KDM4C: variants seen among roughly 807,000 people sequenced by gnomAD.
KDM4C encodes lysine demethylase 4C.
A neutral mutation model predicts 129.3 loss-of-function variants in KDM4C; 81 were observed. That is an observed-to-expected ratio of 0.63 (90% CI 0.52 to 0.75). The LOEUF is 0.75. Ranked by LOEUF, KDM4C falls within the 30% of genes least tolerant of loss-of-function variation. The pLI, the probability that KDM4C is intolerant of heterozygous loss-of-function variation, is 0.00. For missense variants in KDM4C, 1,457 were observed against 1,304.0 expected (o/e 1.12, Z -1.81); for synonymous variants, 573 against 456.1 (o/e 1.26, Z -3.26).
chr9:6,789,933 A>C (rs142137907), intron 1 of KDM4C, among the ~76,000 whole-genome samples: 106 of 151,804 alleles, frequency 7.0e-4, no homozygotes, highest in Admixed American at 1.4e-3. Context: ...TTTAAATTTT[A>C]TGTATCTCCT....
intron 1 of KDM4C, among the ~76,000 whole-genome samples, chr9:6,731,439 G>A (rs1472911642): frequency 1.4e-5 from 2 of 147,204 alleles, no homozygotes; most frequent in Admixed American, 7.2e-5. Context: ...CAATTCTCCT[G>A]CCTCAGCCTC....
At chr9:7,124,152 C>G (rs7858509) in intron 18 of KDM4C, among the ~76,000 whole-genome samples, 57,277 of 152,028 alleles carry the variant, frequency 0.38, 11,221 homozygotes, top group Middle Eastern at 0.52. Flanking sequence ...TGTAACACCC[C>G]CAAGATCATC....
At chr9:7,004,085 G>A (rs1373648222) in intron 12 of KDM4C, among the ~76,000 whole-genome samples, 1 of 152,232 alleles carries the variant, frequency 6.6e-6, no homozygotes, top group African/African-American at 2.4e-5. Context: ...AGCAGAATGA[G>A]TGTGATGACT....
intron 5 of KDM4C, among the ~76,000 whole-genome samples, chr9:6,879,561 A>G (rs1844121990): frequency 6.6e-6 from 1 of 152,210 alleles, no homozygotes; most frequent in African/African-American, 2.4e-5. Context: ...GCTTGTCAAT[A>G]AAAATATTTT....
intron 19 of KDM4C, among the ~76,000 whole-genome samples, chr9:7,147,405 T>C (rs1324653662): frequency 6.6e-6 from 1 of 152,198 alleles, no homozygotes; most frequent in Non-Finnish European, 1.5e-5. Context: ...CTTTCATCTT[T>C]CTTTTTTTAG....
At chr9:7,002,806 A>C (rs1820971149) in intron 12 of KDM4C, among the ~76,000 whole-genome samples, 1 of 152,226 alleles carries the variant, frequency 6.6e-6, no homozygotes, top group African/African-American at 2.4e-5. Context: ...TCACAAAGCT[A>C]GTAAGTGGTA....
intron 15 of KDM4C, among the ~76,000 whole-genome samples, chr9:7,040,453 A>G (rs899952812): frequency 2.7e-5 from 4 of 149,624 alleles, no homozygotes; most frequent in African/African-American, 9.9e-5. Flanking sequence ...CTAAAAAATG[A>G]TTTTATATTT....
In KDM4C at chr9:6,990,363, T is replaced by C. The variant is rs1175812840; in HGVS notation, c.1678-53T>C. On this transcript the variant is annotated intron_variant, in intron 11 of 21. Transcript: ENST00000381309. ...TGTGAACTGTAGGGTTTTTTTTTTT[T>C]GTAGTTTGTTTTTGATAATGGTATT... The C allele has an allele frequency of 1.4e-5, 15 of 1,057,530 alleles. No homozygotes were observed. The Admixed American group carries it at 2.3e-4, about 16-fold the overall frequency. The allele number at this position is 1,057,530 out of a possible 1,614,324, so 65.5% of individuals were successfully genotyped here. A position where few individuals can be genotyped will look rare whatever the true frequency, so the allele number is the denominator to read the frequency against.
chr9:7,040,764 A>G (rs143132887), intron 15 of KDM4C, among the ~76,000 whole-genome samples: 240 of 151,994 alleles, frequency 1.6e-3, no homozygotes, highest in African/African-American at 5.4e-3. Flanking sequence ...TGTAACTCAT[A>G]TAATTGTTTA....
intron 1 of KDM4C, among the ~76,000 whole-genome samples, chr9:6,779,032 C>CTTTTTCTTTTTT (rs1823720819): frequency 1.1e-5 from 1 of 94,628 alleles, no homozygotes; most frequent in East Asian, 3.8e-4. Flanking sequence ...TGATTAAAGT[C>CTTTTTCTTTTTT]TTTTTTTTTT....
intron 1 of KDM4C, among the ~76,000 whole-genome samples, chr9:6,769,314 G>A (rs529927744): frequency 6.6e-6 from 1 of 151,814 alleles, no homozygotes; most frequent in Non-Finnish European, 1.5e-5. Context: ...TCCTTATTTA[G>A]TGGGCTTTGG....
At chr9:6,864,793 A>G (rs115176147) in intron 5 of KDM4C, among the ~76,000 whole-genome samples, 92 of 150,666 alleles carry the variant, frequency 6.1e-4, no homozygotes, top group African/African-American at 2.2e-3. Flanking sequence ...GTAATTTTCT[A>G]TATCTTGTTG....
intron 8 of KDM4C, among the ~76,000 whole-genome samples, chr9:6,958,603 A>G (rs1457219299): frequency 6.6e-6 from 1 of 151,770 alleles, no homozygotes; most frequent in Non-Finnish European, 1.5e-5. Context: ...AAAAAATCGT[A>G]TCACACTGAG....
chr9:6,859,286 G>C (rs891611417), intron 5 of KDM4C, among the ~76,000 whole-genome samples: 1 of 151,844 alleles, frequency 6.6e-6, no homozygotes, highest in African/African-American at 2.4e-5. Flanking sequence ...GACCATCCTG[G>C]CCAACGTGGT....
At chr9:6,868,454 A>G (rs1472831739) in intron 5 of KDM4C, among the ~76,000 whole-genome samples, 2 of 152,202 alleles carry the variant, frequency 1.3e-5, no homozygotes, top group Non-Finnish European at 2.9e-5. Flanking sequence ...CTCAGTATCC[A>G]TGAACTGTTG....
At chr9:6,762,657 A>G (rs1000159650) in intron 1 of KDM4C, among the ~76,000 whole-genome samples, 1 of 147,338 alleles carries the variant, frequency 6.8e-6, no homozygotes, top group African/African-American at 2.5e-5. Context: ...ATATTAGGTC[A>G]TTGTCTTTTT....
chr9:6,826,713 A>G (rs1833939289), intron 4 of KDM4C, among the ~76,000 whole-genome samples: 1 of 152,018 alleles, frequency 6.6e-6, no homozygotes. Flanking sequence ...TAAAAATACA[A>G]AAAATTAGCC....
At chr9:6,842,445 T>TTG (rs1837132207) in intron 4 of KDM4C, among the ~76,000 whole-genome samples, 1 of 150,908 alleles carries the variant, frequency 6.6e-6, no homozygotes, top group Non-Finnish European at 1.5e-5. Flanking sequence ...CGTGATTCTC[T>TTG]TGTCTCAGTC....
intron 1 of KDM4C, chr9:6,748,686 C>G (rs1167887657): frequency 7.6e-7 from 1 of 1,317,172 alleles, no homozygotes; most frequent in Admixed American, 1.7e-5. Flanking sequence ...AACAATTTCT[C>G]ACTTCATTGA....
Sources: allele counts gnomAD v4.1 joint callset (sites outside exome capture counted in the v4.1 genomes callset), GRCh38; gene constraint gnomAD v4.1.1; transcripts MANE v1.5; gene names NCBI Gene and HGNC (gene_info 2026-07-23, HGNC 2026-07-21).